Variants in TRIM7 observed in about 807,000 individuals in gnomAD.
TRIM7 encodes the protein tripartite motif containing 7.
TRIM7 carries 32 observed loss-of-function variants against 37.9 expected under a neutral mutation model. The ratio of observed to expected loss-of-function variants is 0.84; its 90% CI spans 0.64 to 1.13. The LOEUF is 1.13. TRIM7 is among the 50% of genes most tolerant of loss of function. The probability of loss-of-function intolerance (pLI) is 0.00; values close to 1 mark genes in which losing one functional copy is unlikely to be tolerated. For missense variants in TRIM7, 732 were observed against 714.0 expected (o/e 1.03, Z -0.29); for synonymous variants, 351 against 321.3 (o/e 1.09, Z -0.99).
chr5:181,201,190 G>C (rs1320039427), intron 2 of TRIM7, among the ~76,000 whole-genome samples: 1 of 152,140 alleles, frequency 6.6e-6, no homozygotes, highest in Admixed American at 6.5e-5. Flanking sequence ...TGGTTGTAGG[G>C]GGCTGCCCTG....
Position 181,195,118 on chromosome 5 carries a change from T to G in TRIM7, c.*48A>C. On this transcript the variant is annotated 3_prime_UTR_variant, in exon 7 of 7. Coordinates refer to ENST00000274773, the MANE Select transcript of TRIM7 (RefSeq NM_203293.3). ...ACCAGGCATCTCTGGGGAGGCGACA[T>G]CCCCTCCCACCGGCAGCCCAGAGAC... The G allele has an allele frequency of 6.5e-7, 1 of 1,548,298 alleles. No homozygotes were observed. Among genetic ancestry groups the G allele is most frequent in the Non-Finnish European group, 8.7e-7 (1 of 1,144,676 alleles).
In TRIM7 at chr5:181,195,540, C is replaced by T. The variant is rs1470531483; in HGVS notation, c.1162G>A (p.Ala388Thr). The T allele has an allele frequency of 6.2e-7, 1 of 1,612,420 alleles. No individual in the cohort carries two copies. Among genetic ancestry groups the T allele is most frequent in the Non-Finnish European group, 8.5e-7 (1 of 1,179,196 alleles). Residue 388 changes from alanine (A) to threonine (T), a missense_variant, in exon 7 of 7, where the codon GCG (alanine) becomes ACG (threonine). By Grantham distance (58) the Ala-to-Thr change is moderately conservative. Coordinates refer to ENST00000274773, the MANE Select transcript of TRIM7 (RefSeq NM_203293.3). ...CRFDTNTRVL[A>T]SCGFSSGRHH... is the part of the protein sequence containing the mutation. ...CGGCCCGAGGAGAAGCCGCAGGACG[C>T]CAGGACGCGGGTGTTGGTGTCGAAG...
At chr5:181,204,251 C>G in intron 1 of TRIM7, 6 of 1,071,030 alleles carry the variant, frequency 5.6e-6, no homozygotes, top group Non-Finnish European at 6.8e-6. Flanking sequence ...GGAGACTTCC[C>G]GCGGGCAGAG....
chr5:181,204,470 G>A lies in TRIM7; in HGVS notation c.522+119C>T, dbSNP rs1042627761. ...TGGGCTTCCTGGAATGGAGAAAGAA[G>A]GGAGGGGCTCACCCGGGCCTCCTGA... On this transcript the variant is annotated intron_variant, in intron 1 of 6. Coordinates refer to ENST00000274773, the MANE Select transcript of TRIM7 (RefSeq NM_203293.3). 4 of 1,191,984 alleles carry A rather than the reference G, an allele frequency of 3.4e-6. No homozygotes were observed. In the African/African-American group the frequency reaches 4.8e-5, roughly 14 times the overall value. The allele number at this position is 1,191,984 out of a possible 1,614,324, so 73.8% of individuals were successfully genotyped here.
chr5:181,200,371 C>T (rs777681797), intron 2 of TRIM7: 53 of 1,389,146 alleles, frequency 3.8e-5, no homozygotes, highest in Middle Eastern at 5.3e-4. Flanking sequence ...CCCAGAACTA[C>T]GCCAAGCTGC....
At chr5:181,203,371 C>T in intron 2 of TRIM7, 174 bp downstream of exon 2, 1 of 1,436,798 alleles carries the variant, frequency 7.0e-7, no homozygotes, top group South Asian at 1.7e-5. Context: ...TTAAAAAGCT[C>T]TGGTTTGTAC....
intron 2 of TRIM7, chr5:181,200,991 G>A (rs1757451680): frequency 1.2e-6 from 1 of 869,146 alleles, no homozygotes; most frequent in Non-Finnish European, 1.4e-6. Flanking sequence ...CAGTGGGGAG[G>A]GTGCACTTCC....
chr5:181,195,929 T>A, intron 6 of TRIM7: 1 of 433,142 alleles, frequency 2.3e-6, no homozygotes, highest in East Asian at 3.5e-5. Flanking sequence ...TGAACCCCAA[T>A]TCAACAGATG....
intron 6 of TRIM7, chr5:181,197,971 C>T (rs1264680203): frequency 1.0e-5 from 6 of 598,128 alleles, no homozygotes; most frequent in Middle Eastern, 4.5e-4. Context: ...CTGCTCCTAA[C>T]CAACCTGCAG....
At chr5:181,199,564 A>T in intron 3 of TRIM7, 1 of 517,958 alleles carries the variant, frequency 1.9e-6, no homozygotes, top group East Asian at 3.4e-5. Context: ...TAGAATAGAA[A>T]ACATCAAAGT....
In TRIM7 at chr5:181,199,155, G is replaced by C. The variant is rs148141625; in HGVS notation, c.850-38C>G. On this transcript the variant is annotated intron_variant, in intron 3 of 6. Transcript: ENST00000274773. Reference sequence around the variant, plus strand: ...ATAGAGGAAACCAAATCAGCATCAGGTAACCTCCATTCACCTCTGAGAAAC... The same window carrying C: ...ATAGAGGAAACCAAATCAGCATCAGCTAACCTCCATTCACCTCTGAGAAAC... The C allele has an allele frequency of 3.7e-6, 6 of 1,613,684 alleles. No homozygotes were observed. In the African/African-American group the frequency reaches 6.7e-5, roughly 18 times the overall value.
chr5:181,199,263 A>C (rs1757329369), intron 3 of TRIM7, 146 bp from the exon 4 acceptor site: 1 of 858,084 alleles, frequency 1.2e-6, no homozygotes, highest in African/African-American at 1.7e-5. Context: ...CCTCAGGGGC[A>C]GCAGCTTCCA....
chr5:181,199,925 CA>C lies in TRIM7; in HGVS notation c.774del (p.Glu259ArgfsTer31). 1 of 1,614,232 alleles carries C rather than the reference CA, an allele frequency of 6.2e-7. No homozygotes were observed. Among genetic ancestry groups the C allele is most frequent in the South Asian group, 1.1e-5 (1 of 91,088 alleles). On this transcript the variant is annotated frameshift_variant, in exon 3 of 7. Coordinates refer to ENST00000274773, the MANE Select transcript of TRIM7 (RefSeq NM_203293.3). LOFTEE classifies it high-confidence loss of function. ...KQNENLAQLG[V>X]EITQLSKLSS... ...CTGAGCTTGGACAGCTGGGTGATCT[CA>C]ACCCCGAGCTGGGCCAGGTTCTCAT... is the stretch of plus-strand genomic sequence containing the variant.
chr5:181,195,622 A>G lies in TRIM7; in HGVS notation c.1080T>C (p.Asp360=). 1 of 1,559,288 alleles carries G rather than the reference A, an allele frequency of 6.4e-7. No individual in the cohort carries two copies. Among genetic ancestry groups the G allele is most frequent in the Non-Finnish European group, 8.7e-7 (1 of 1,148,872 alleles). The change falls in exon 7 of 7, where the codon GAT becomes GAC. Residue 360 remains aspartate, a synonymous_variant. Transcript: ENST00000274773. ...GCTCGCCGAGGCGCACGCCCTTAAGATCCAGAGAGAGGATGAGGCGCGGGT... is the reference window on the plus strand; with the variant it reads ...GCTCGCCGAGGCGCACGCCCTTAAGGTCCAGAGAGAGGATGAGGCGCGGGT... ...TANPRLILSL[D]LKGVRLGERA...
chr5:181,200,457 T>C, intron 2 of TRIM7: 1 of 1,186,570 alleles, frequency 8.4e-7, no homozygotes, highest in Non-Finnish European at 1.0e-6. Flanking sequence ...TGAGATTGCT[T>C]TTTCTTCCTC....
Position 181,199,266 on chromosome 5 carries a change from AGCTTCCAGTG to A in TRIM7, c.850-159_850-150del, listed in dbSNP as rs1757329688. On this transcript the variant is annotated intron_variant, in intron 3 of 6. Transcript: ENST00000274773. ...TGCCTGCGTGGGCCTCAGGGGCAGC[AGCTTCCAGTG>A]GCTGCTGGCTGCAGGGTGTCTCACC... 4 of 844,778 alleles carry A rather than the reference AGCTTCCAGTG, an allele frequency of 4.7e-6. No homozygotes were observed. The Admixed American group carries it at 8.4e-5, about 18-fold the overall frequency. 52.3% of individuals were successfully genotyped at this position (844,778 alleles called of 1,614,324 possible).
chr5:181,198,004 T>G, intron 6 of TRIM7, 179 bp downstream of exon 6: 1 of 639,248 alleles, frequency 1.6e-6, no homozygotes, highest in Non-Finnish European at 2.8e-6. Flanking sequence ...CATCTGAGGG[T>G]GTCAGAGCTC....
chr5:181,204,421 C>A, intron 1 of TRIM7, 168 bp downstream of exon 1: 1 of 1,158,942 alleles, frequency 8.6e-7, no homozygotes, highest in Non-Finnish European at 1.1e-6. Context: ...GACAGAGAAC[C>A]GCGCTCAGCC....
Position 181,204,855 on chromosome 5 carries a change from G to T in TRIM7, c.256C>A (p.Arg86Ser). 7.5e-7 allele frequency: 1 copy of T among 1,340,680 alleles called. No homozygotes were observed. Among genetic ancestry groups the T allele is most frequent in the East Asian group, 3.1e-5 (1 of 32,284 alleles). 83.0% of individuals were successfully genotyped at this position (1,340,680 alleles called of 1,614,324 possible). ...LPCPQCREPARPSQLRPNRQL... is the reference protein window; with the variant it reads ...LPCPQCREPASPSQLRPNRQL... ...CGGTTGGGCCGCAGCTGACTGGGGC[G>T]CGCGGGCTCGCGGCACTGCGGACAG... Residue 86 changes from arginine (R) to serine (S), a missense_variant, in exon 1 of 7, where the codon CGC (arginine) becomes AGC (serine). Transcript: ENST00000274773.
Sources: allele counts gnomAD v4.1 joint callset (sites outside exome capture counted in the v4.1 genomes callset), GRCh38; gene constraint gnomAD v4.1.1; transcripts MANE v1.5; gene names NCBI Gene and HGNC (gene_info 2026-07-23, HGNC 2026-07-21).